The following RASL12 variants were observed in gnomAD, a reference collection of about 807,000 sequenced individuals.
The protein encoded by RASL12 is ras-like protein family member 12.
In RASL12, 16 loss-of-function variants were observed where a neutral mutation model predicts 22.9. The observed-to-expected ratio is 0.70, with a 90% confidence interval of 0.47 to 1.06. The LOEUF (loss-of-function observed/expected upper bound fraction) is 1.06, where lower values mean the gene tolerates loss of function less well. RASL12 is among the 50% of genes least tolerant of loss of function. The pLI, the probability that RASL12 is intolerant of heterozygous loss-of-function variation, is 0.00. For synonymous variants in RASL12, 159 were observed against 152.2 expected (o/e 1.04, Z -0.33); for missense variants, 306 against 353.1 (o/e 0.87, Z 1.07).
rs190709352 is a variant in RASL12, at chr15:65,076,273, C to T, written c.70+256G>A. 3.1e-3 allele frequency among the ~76,000 whole-genome samples: 479 copies of T among 152,298 alleles called. 5 individuals carry two copies. The highest frequency in any genetic ancestry group is 0.011 in the African/African-American group (466 of 41,548). ...TGCTCACTCTTTTGGGTCCACACTGCTTTTATGAGCTGTAACACTCACCGT... is the reference window on the plus strand; with the variant it reads ...TGCTCACTCTTTTGGGTCCACACTGTTTTTATGAGCTGTAACACTCACCGT... On this transcript the variant is annotated intron_variant, in intron 1 of 4. Coordinates refer to the RASL12 transcript ENST00000434605.
Position 65,067,416 on chromosome 15 carries a change from C to T in RASL12, c.103+317G>A, listed in dbSNP as rs185892436. 1.5e-3 allele frequency among the ~76,000 whole-genome samples: 231 copies of T among 151,706 alleles called. 2 individuals carry two copies. Among genetic ancestry groups the T allele is most frequent in the African/African-American group, 5.1e-3 (212 of 41,326 alleles). ...GGGGAGACCGACCAGTAAAGGACTC[C>T]GAGACACACAAGAGAGAGGGGAGAG... On this transcript the variant is annotated intron_variant, in intron 1 of 4. Coordinates refer to ENST00000220062, the MANE Select transcript of RASL12 (RefSeq NM_016563.4).
intron 2 of RASL12, among the ~76,000 whole-genome samples, chr15:65,062,815 G>A (rs1661633847): frequency 6.6e-6 from 1 of 152,232 alleles, no homozygotes; most frequent in African/African-American, 2.4e-5. Context: ...GTTCTCATCT[G>A]TCTCTGCTGC....
At chr15:65,058,641 G>A (rs766098880) in intron 3 of RASL12, 24 bp from the exon 4 acceptor site, 204 of 1,471,510 alleles carry the variant, frequency 1.4e-4, no homozygotes, top group Non-Finnish European at 1.7e-4. Flanking sequence ...GAGAAGCCCC[G>A]CCGGGGGGCA....
chr15:65,051,931 G>C (rs2086658847), downstream of RASL12, among the ~76,000 whole-genome samples: 1 of 152,184 alleles, frequency 6.6e-6, no homozygotes, highest in Non-Finnish European at 1.5e-5. Context: ...TCAACTCAGA[G>C]ATGAGTGGCT....
chr15:65,047,851 G>T, the RASL12 span, among the ~76,000 whole-genome samples: 2 of 151,556 alleles, frequency 1.3e-5, no homozygotes, highest in Non-Finnish European at 2.9e-5. Context: ...TCCCTCAAAT[G>T]AGTAAGTAGG....
In RASL12 at chr15:65,055,187, G is replaced by C. The variant is rs368565363; in HGVS notation, c.513C>G (p.His171Gln). The change falls in exon 5 of 5, where the codon CAC (histidine) becomes CAG (glutamine). Residue 171 changes from histidine to glutamine, a missense_variant. His to Gln is a conservative substitution (Grantham distance 24). Coordinates refer to ENST00000220062, the MANE Select transcript of RASL12 (RefSeq NM_016563.4). ...FEVSACLDFEHVQHVFHEAVR... is the reference protein window; with the variant it reads ...FEVSACLDFEQVQHVFHEAVR... ...CTGCCTCGTGGAAGACATGCTGCAC[G>C]TGCTCAAAGTCCAGACAGGCAGAGA... The C allele has an allele frequency of 6.2e-7, 1 of 1,612,264 alleles. No homozygotes were observed. Among genetic ancestry groups the C allele is most frequent in the Non-Finnish European group, 8.5e-7 (1 of 1,179,660 alleles).
rs2086703641 is a variant in RASL12 at position 65,054,834 on chromosome 15, A to G, written c.*65T>C. The G allele has an allele frequency of 6.5e-7, 1 of 1,540,366 alleles. No homozygotes were observed. ...TCAGACGGAAAGGCTGGTGGTGAGAAGCCAGTCCCTGTCCTGCTGCAGTCC... is the reference window on the plus strand; with the variant it reads ...TCAGACGGAAAGGCTGGTGGTGAGAGGCCAGTCCCTGTCCTGCTGCAGTCC... On this transcript the variant is annotated 3_prime_UTR_variant, in exon 5 of 5. Coordinates refer to ENST00000220062, the MANE Select transcript of RASL12 (RefSeq NM_016563.4).
chr15:65,068,012 G>A (rs774567266), upstream of RASL12: 377 of 1,143,258 alleles, frequency 3.3e-4, no homozygotes, highest in Non-Finnish European at 3.8e-4. The surrounding 1 kb of genome is among the most constrained non-coding windows in gnomAD (Gnocchi z 4.2). Context: ...GGGGAGGAGG[G>A]GCCGGTGGAG....
At chr15:65,051,591 C>T, downstream of RASL12, 2 of 1,613,288 alleles carry the variant, frequency 1.2e-6, no homozygotes, top group Admixed American at 1.7e-5. Flanking sequence ...TGGGAAGAAG[C>T]ATCCAGGCAA....
In RASL12 at chr15:65,053,628, G is replaced by A; in HGVS notation, c.*1271C>T. 1.0e-6 allele frequency: 1 copy of A among 990,244 alleles called. No homozygotes were observed. Among genetic ancestry groups the A allele is most frequent in the Non-Finnish European group, 1.2e-6 (1 of 833,022 alleles). 61.3% of individuals were successfully genotyped at this position (990,244 alleles called of 1,614,324 possible). ...ATCCAACAGTAGTCCTGAGACGGCT[G>A]AGAGGGGAAGGAGCAGGCTTCCAGG... On this transcript the variant is annotated 3_prime_UTR_variant, in exon 5 of 5. Coordinates refer to ENST00000220062, the MANE Select transcript of RASL12 (RefSeq NM_016563.4).
Position 65,054,291 on chromosome 15 carries a change from T to G in RASL12, c.*608A>C, listed in dbSNP as rs2086697373. The G allele has an allele frequency of 1.0e-6, 1 of 985,768 alleles. No individual in the cohort carries two copies. The highest frequency in any genetic ancestry group is 1.2e-6 in the Non-Finnish European group (1 of 830,124). 61.1% of individuals were successfully genotyped at this position (985,768 alleles called of 1,614,324 possible). ...TTTATCCTCATTGAGACGCCAAGTG[T>G]TGGAAATACCCCTTCCTGGGGCTTC... is the stretch of plus-strand genomic sequence containing the variant. On this transcript the variant is annotated 3_prime_UTR_variant, in exon 5 of 5. Transcript: ENST00000220062.
chr15:65,070,189 G>A (rs59999120), upstream of RASL12, among the ~76,000 whole-genome samples: 2,123 of 152,316 alleles, frequency 0.014, 28 homozygotes, highest in African/African-American at 0.035. Context: ...GATAGCTTCA[G>A]CCCAGGAGAT....
At chr15:65,046,793 G>A in the RASL12 span, among the ~76,000 whole-genome samples, 57 of 151,802 alleles carry the variant, frequency 3.8e-4, no homozygotes, top group African/African-American at 1.2e-3. Flanking sequence ...CATGCCTGTT[G>A]TACCAGCTGC....
At chr15:65,060,763 C>G (rs2086793299) in intron 2 of RASL12, among the ~76,000 whole-genome samples, 1 of 152,198 alleles carries the variant, frequency 6.6e-6, no homozygotes, top group Admixed American at 6.5e-5. Flanking sequence ...AGGGCACGCC[C>G]CCAACCCTGG....
chr15:65,058,674 T>C (rs1477079479), intron 3 of RASL12, 57 bp from the exon 4 acceptor site: 3 of 1,337,150 alleles, frequency 2.2e-6, no homozygotes, highest in Non-Finnish European at 9.9e-7. Context: ...GTAAAGGCCT[T>C]CACCTGAGCC....
chr15:65,051,448 A>C (rs1483069825), downstream of RASL12: 68 of 1,484,534 alleles, frequency 4.6e-5, no homozygotes, highest in Non-Finnish European at 6.2e-5. Flanking sequence ...CCCAGGCCCC[A>C]GCTGTTAGCG....
downstream of RASL12, among the ~76,000 whole-genome samples, chr15:65,052,399 C>CT (rs34021026): frequency 0.026 from 2,015 of 76,234 alleles, 106 homozygotes; most frequent in African/African-American, 0.074. Context: ...GCATCCTTGG[C>CT]TTTTTTTTTT....
In RASL12 at chr15:65,055,116, G is replaced by A; in HGVS notation, c.584C>T (p.Pro195Leu). ...GGCCCTCTCCTCGGAGATGAAGAGG[G>A]GCCGGGTCAGGGGGCTCTTCTCCAG... ...RELEKSPLTR[P>L]LFISEERALP... The change falls in exon 5 of 5, where the codon CCC becomes CTC. Residue 195 changes from proline to leucine, a missense_variant. Transcript: ENST00000220062. 6.2e-7 allele frequency: 1 copy of A among 1,611,106 alleles called. No homozygotes were observed. The highest frequency in any genetic ancestry group is 2.2e-5 in the East Asian group (1 of 44,824).
rs1282784433 is a variant in RASL12 at position 65,058,600 on chromosome 15, G to A, written c.252C>T (p.Cys84=). The stretch of plus-strand genomic sequence containing the variant: ...CATGGGCCCAGTTCAGGTAGCGCTC[G>A]CAGTTCCTGGGGGTGTCCTGGGGTG... ...DTADLDTPRN[C]ERYLNWAHAF... The change falls in exon 4 of 5, where the codon TGC becomes TGT. Residue 84 remains cysteine, a synonymous_variant. Coordinates refer to ENST00000220062, the MANE Select transcript of RASL12 (RefSeq NM_016563.4). 8.3e-6 allele frequency: 13 copies of A among 1,573,214 alleles called. No homozygotes were observed. The highest frequency in any genetic ancestry group is 6.9e-5 in the East Asian group (3 of 43,522).
Sources: gnomAD v4.1 joint callset for allele counts (sites outside exome capture counted in the v4.1 genomes callset) on GRCh38, gnomAD v4.1.1 for gene constraint, Gnocchi (gnomAD v3.1) non-coding constraint, MANE v1.5 for transcripts, NCBI Gene and HGNC (gene_info 2026-07-23, HGNC 2026-07-21) for gene names.